The following ODAM variants were observed in gnomAD, a reference collection of about 807,000 sequenced individuals.
ODAM encodes the protein odontogenic ameloblast-associated protein.
In ODAM, 55 loss-of-function variants were observed where a neutral mutation model predicts 48.5. That is an observed-to-expected ratio of 1.13 (90% CI 0.91 to 1.42). ODAM has a LOEUF of 1.42. Ranked by LOEUF, ODAM falls within the 40% of genes most tolerant of loss-of-function variation. ODAM has a pLI of 0.00. For synonymous variants in ODAM, 127 were observed against 107.8 expected (o/e 1.18, Z -1.10); for missense variants, 353 against 323.6 (o/e 1.09, Z -0.70).
intron 5 of ODAM, 77 bp from the exon 6 acceptor site, chr4:70,198,502 C>A: frequency 8.9e-7 from 1 of 1,128,306 alleles, no homozygotes; most frequent in Non-Finnish European, 1.3e-6. Flanking sequence ...ATATGGCTAG[C>A]TCTAGGAAAA....
Position 70,198,169 on chromosome 4 carries a change from C to A in ODAM, c.375+12C>A. 6.2e-7 allele frequency: 1 copy of A among 1,606,422 alleles called. No individual in the cohort carries two copies. The highest frequency in any genetic ancestry group is 8.5e-7 in the Non-Finnish European group (1 of 1,175,016). ...CAGGCCCCAGTCACGTAAGTCAGGC[C>A]TCTTTCATTTTGTTCTGAGGAGAGA... On this transcript the variant is annotated intron_variant, in intron 5 of 11. Coordinates refer to ENST00000683306, the MANE Select transcript of ODAM (RefSeq NM_017855.4).
At chr4:70,198,998 AGATGCACTAAGCT>A (rs1430873713) in intron 6 of ODAM, among the ~76,000 whole-genome samples, 1 of 152,028 alleles carries the variant, frequency 6.6e-6, no homozygotes, top group Admixed American at 6.6e-5. Flanking sequence ...CTTCAGAAGG[AGATGCACTAAGCT>A]GATAATATAT....
chr4:70,201,379 A>T, intron 7 of ODAM, 75 bp from the exon 8 acceptor site: 1 of 687,038 alleles, frequency 1.5e-6, no homozygotes, highest in Non-Finnish European at 2.5e-6. Context: ...ATATAAGTTT[A>T]AGTAATCATT....
chr4:70,200,469 T>G, intron 6 of ODAM, 28 bp from the exon 7 acceptor site: 2 of 1,234,810 alleles, frequency 1.6e-6, no homozygotes, highest in Non-Finnish European at 2.4e-6. Flanking sequence ...TAATGGAATC[T>G]CTTGTATCCT....
chr4:70,204,231 C>G lies in ODAM; in HGVS notation c.*86C>G, dbSNP rs971847947. ...TTTTAGGCTATTAGCTTCCTCAATA[C>G]TAGTATCAGTTCTTTGGAATACATG... On this transcript the variant is annotated 3_prime_UTR_variant, in exon 12 of 12. Transcript: ENST00000683306. 2 of 151,938 alleles carry G rather than the reference C, an allele frequency of 1.3e-5. No individual in the cohort carries two copies. Among genetic ancestry groups the G allele is most frequent in the Non-Finnish European group, 2.9e-5 (2 of 67,966 alleles). 9.4% of individuals were successfully genotyped at this position (151,938 alleles called of 1,614,324 possible). A position where few individuals can be genotyped will look rare whatever the true frequency, so the allele number is the denominator to read the frequency against.
intron 6 of ODAM, among the ~76,000 whole-genome samples, chr4:70,199,246 A>T (rs1328059280): frequency 1.3e-5 from 2 of 152,018 alleles, no homozygotes; most frequent in East Asian, 3.9e-4. Flanking sequence ...TTAATTTTAC[A>T]ATATTCTGGG....
intron 8 of ODAM, 23 bp from the exon 9 acceptor site, chr4:70,202,235 T>C: frequency 6.2e-7 from 1 of 1,600,182 alleles, no homozygotes; most frequent in Non-Finnish European, 8.6e-7. Context: ...ATTTAGACTT[T>C]TTAAAACTTT....
At chr4:70,198,502 C>G (rs746009734) in intron 5 of ODAM, 77 bp from the exon 6 acceptor site, 20 of 1,128,190 alleles carry the variant, frequency 1.8e-5, no homozygotes, top group Non-Finnish European at 2.5e-5. Context: ...ATATGGCTAG[C>G]TCTAGGAAAA....
chr4:70,202,461 A>G, intron 9 of ODAM, 132 bp downstream of exon 9: 1 of 786,536 alleles, frequency 1.3e-6, no homozygotes, highest in Non-Finnish European at 2.1e-6. Flanking sequence ...TTCTTACAAT[A>G]TTTTGCCAGT....
intron 9 of ODAM, among the ~76,000 whole-genome samples, 169 bp from the exon 10 acceptor site, chr4:70,202,587 A>T (rs948277113): frequency 1.3e-5 from 2 of 151,938 alleles, no homozygotes; most frequent in African/African-American, 4.8e-5. Context: ...TTGCTGGTAT[A>T]TATTCATGGT....
intron 5 of ODAM, 48 bp downstream of exon 5, chr4:70,198,205 T>C: frequency 1.4e-6 from 2 of 1,453,684 alleles, no homozygotes; most frequent in African/African-American, 1.4e-5. Flanking sequence ...GAACTGCATG[T>C]TTAATCTGAC....
rs1729472137 is a variant in ODAM at position 70,200,514 on chromosome 4, A to G, written c.441A>G (p.Pro147=). The G allele has an allele frequency of 6.2e-7, 1 of 1,604,482 alleles. No individual in the cohort carries two copies. The highest frequency in any genetic ancestry group is 1.1e-5 in the South Asian group (1 of 90,624). The change falls in exon 7 of 12, where the codon CCA becomes CCG. Residue 147 remains proline (P), a synonymous_variant. Coordinates refer to ENST00000683306, the MANE Select transcript of ODAM (RefSeq NM_017855.4). ...ACAAGTAGATGTTTCAATACTATCCAGTTTACATGGTCCTACCCTGGGAAC... is the reference window on the plus strand; with the variant it reads ...ACAAGTAGATGTTTCAATACTATCCGGTTTACATGGTCCTACCCTGGGAAC... ...QEQGQMFQYY[P]VYMVLPWEQP... is the part of the protein sequence containing the mutation.
intron 6 of ODAM, chr4:70,200,246 C>A: frequency 1.0e-5 from 4 of 385,030 alleles, no homozygotes; most frequent in Non-Finnish European, 1.9e-5. Context: ...AAAAGCTCTT[C>A]TGCTTAGTTC....
At chr4:70,201,694 T>G (rs1729497602) in intron 8 of ODAM, among the ~76,000 whole-genome samples, 193 bp downstream of exon 8, 1 of 151,902 alleles carries the variant, frequency 6.6e-6, no homozygotes, top group Admixed American at 6.6e-5. Flanking sequence ...AGGAAAGTAT[T>G]AGAATGACTT....
At chr4:70,196,944 G>A (rs1185344092) in intron 3 of ODAM, among the ~76,000 whole-genome samples, 1 of 151,846 alleles carries the variant, frequency 6.6e-6, no homozygotes, top group Non-Finnish European at 1.5e-5. Context: ...TTCTTCAAAG[G>A]CGGATACAAT....
At chr4:70,202,688 C>A in intron 9 of ODAM, 68 bp from the exon 10 acceptor site, 1 of 1,211,496 alleles carries the variant, frequency 8.3e-7, no homozygotes, top group Non-Finnish European at 1.2e-6. Context: ...TGTTGCTTTA[C>A]ATTCTTCCCA....
Position 70,201,465 on chromosome 4 carries a change from T to A in ODAM, c.540T>A (p.Tyr180Ter). Residue 180 changes from tyrosine (Y) to a stop codon, truncating the protein, a stop_gained, in exon 8 of 12, where the codon TAT (tyrosine) becomes TAA (stop). Transcript: ENST00000683306. LOFTEE classifies it high-confidence loss of function. ...AAAAAATCTGACAGATACCATTCTA[T>A]GCTCAATTTGGATACATTCCACAAC... ...QQQYEEQIPF[Y>*]AQFGYIPQLA... 1 of 1,509,134 alleles carries A rather than the reference T, an allele frequency of 6.6e-7. No homozygotes were observed. Among genetic ancestry groups the A allele is most frequent in the Non-Finnish European group, 9.2e-7 (1 of 1,090,680 alleles). 93.5% of individuals were successfully genotyped at this position (1,509,134 alleles called of 1,614,324 possible).
chr4:70,198,622 G>T lies in ODAM; in HGVS notation c.419G>T (p.Gly140Val). Residue 140 changes from glycine (G) to valine (V), a missense_variant, in exon 6 of 12, where the codon GGA (glycine) becomes GTA (valine). By Grantham distance (109) the Gly-to-Val change is moderately radical. Transcript: ENST00000683306. The part of the protein sequence containing the change: ...VFSFKMPQEQ[G>V]QMFQYYPVYM... ...TCCTTCAAAATGCCTCAAGAGCAAG[G>T]ACAGGTAAATGGATATAACAACACT... The T allele has an allele frequency of 6.2e-7, 1 of 1,605,016 alleles. No individual in the cohort carries two copies. The highest frequency in any genetic ancestry group is 8.5e-7 in the Non-Finnish European group (1 of 1,176,414).
At chr4:70,198,766 G>A (rs1729435508) in intron 6 of ODAM, 140 bp downstream of exon 6, 1 of 727,824 alleles carries the variant, frequency 1.4e-6, no homozygotes, top group Admixed American at 2.9e-5. Context: ...ATCATTGCTG[G>A]GCTAGTATCA....
Sources: gnomAD v4.1 joint callset for allele counts (sites outside exome capture counted in the v4.1 genomes callset) on GRCh38, gnomAD v4.1.1 for gene constraint, MANE v1.5 for transcripts, NCBI Gene and HGNC (gene_info 2026-07-23, HGNC 2026-07-21) for gene names.